The following DMXL1 variants were observed in gnomAD, a reference collection of about 807,000 sequenced individuals.
DMXL1 encodes dmX-like protein 1.
Under a neutral mutation model 319.2 loss-of-function variants are expected in DMXL1, and 99 were observed. The ratio of observed to expected loss-of-function variants is 0.31; its 90% CI spans 0.26 to 0.37. DMXL1 has a LOEUF of 0.37. Ranked by LOEUF, DMXL1 falls within the 10% of genes least tolerant of loss-of-function variation. The probability of loss-of-function intolerance (pLI) is 1.00; values close to 1 mark genes in which losing one functional copy is unlikely to be tolerated. For missense variants in DMXL1, 3,745 were observed against 3,595.6 expected (o/e 1.04, Z -1.06); for synonymous variants, 1,385 against 1,235.2 (o/e 1.12, Z -2.54).
intron 26 of DMXL1, among the ~76,000 whole-genome samples, chr5:119,176,719 A>G (rs555970141): frequency 1.3e-5 from 2 of 152,200 alleles, no homozygotes; most frequent in South Asian, 4.1e-4. Context: ...AATTCCTTAT[A>G]CCATTTTCTG....
intron 1 of DMXL1, among the ~76,000 whole-genome samples, chr5:119,088,020 T>C (rs569680357): frequency 9.2e-5 from 14 of 152,180 alleles, no homozygotes; most frequent in Non-Finnish European, 2.9e-5. Flanking sequence ...TAGACTGGCC[T>C]CGAACTCCTG....
intron 28 of DMXL1, among the ~76,000 whole-genome samples, chr5:119,186,188 C>T (rs1008674783): frequency 6.6e-6 from 1 of 152,200 alleles, no homozygotes; most frequent in Non-Finnish European, 1.5e-5. Flanking sequence ...CTGGCACACT[C>T]ATGAATAGCT....
chr5:119,197,955 A>G lies in DMXL1; in HGVS notation c.7744A>G (p.Lys2582Glu). 6.2e-7 allele frequency: 1 copy of G among 1,613,974 alleles called. No individual in the cohort carries two copies. Among genetic ancestry groups the G allele is most frequent in the South Asian group, 1.1e-5 (1 of 91,078 alleles). ...ACTGGAACCTACAAACACTCCTTTC[A>G]AGTAGGTTTTCTTATGAATGCTATT... Reference protein sequence around the residue: ...ALLEPTNTPFKSKHHLALSVK... With the variant: ...ALLEPTNTPFESKHHLALSVK... Residue 2582 changes from lysine (K) to glutamate (E), a missense_variant and splice_region_variant, in exon 32 of 44, where the codon AAA (lysine) becomes GAA (glutamate). Around this residue, in one of 4 missense-constraint regions of DMXL1, gnomAD observed 1,382 missense variants for 1,269.5 expected, o/e 1.09. Coordinates refer to ENST00000539542, the MANE Select transcript of DMXL1 (RefSeq NM_001290321.3).
At chr5:119,136,671 T>C (rs1445773813) in intron 13 of DMXL1, among the ~76,000 whole-genome samples, 1 of 152,234 alleles carries the variant, frequency 6.6e-6, no homozygotes, top group Non-Finnish European at 1.5e-5. Context: ...GCTCCAGCCA[T>C]GGCTAAAAGG....
intron 15 of DMXL1, 86 bp from the exon 16 acceptor site, chr5:119,146,751 A>G: frequency 7.6e-7 from 1 of 1,323,208 alleles, no homozygotes; most frequent in Non-Finnish European, 1.0e-6. Flanking sequence ...TTCTTTTTTT[A>G]AAGTCCAATT....
At chr5:119,122,122 T>A (rs1440344049) in intron 9 of DMXL1, among the ~76,000 whole-genome samples, 7 of 129,794 alleles carry the variant, frequency 5.4e-5, no homozygotes, top group African/African-American at 2.1e-4. Flanking sequence ...ACGGGGCGGC[T>A]GGCCGGGCGG....
At chr5:119,169,325 A>G (rs984464137) in intron 23 of DMXL1, among the ~76,000 whole-genome samples, 1 of 152,242 alleles carries the variant, frequency 6.6e-6, no homozygotes, top group African/African-American at 2.4e-5. Flanking sequence ...TTGGACCAGA[A>G]TGATTGGAAT....
At chr5:119,204,046 T>G (rs1781313370) in intron 33 of DMXL1, among the ~76,000 whole-genome samples, 1 of 152,026 alleles carries the variant, frequency 6.6e-6, no homozygotes, top group African/African-American at 2.4e-5. Flanking sequence ...ATGGTCTCGA[T>G]CTCCTGACCT....
intron 43 of DMXL1, among the ~76,000 whole-genome samples, chr5:119,245,925 A>T (rs1789676943): frequency 6.6e-6 from 1 of 152,122 alleles, no homozygotes; most frequent in Admixed American, 6.6e-5. Context: ...GAAAATATAC[A>T]ATGTATTCAG....
Position 119,225,404 on chromosome 5 carries a change from G to C in DMXL1, c.8338+635G>C, listed in dbSNP as rs114949329. ...GAATTTATTGGAGGTATTGATTCTG[G>C]TGGGTTGGAATCAATACTCATACTG... is the stretch of plus-strand genomic sequence containing the variant. On this transcript the variant is annotated intron_variant, in intron 38 of 43. Transcript: ENST00000539542. Among the ~76,000 whole-genome samples, 1,346 of 151,980 alleles carry C rather than the reference G, an allele frequency of 8.9e-3. 22 individuals are homozygous for C. Among genetic ancestry groups the C allele is most frequent in the African/African-American group, 0.029 (1,222 of 41,482 alleles).
At chr5:119,241,955 AC>A (rs1788906031) in intron 42 of DMXL1, among the ~76,000 whole-genome samples, 1 of 152,214 alleles carries the variant, frequency 6.6e-6, no homozygotes, top group African/African-American at 2.4e-5. Flanking sequence ...AATTTTATGT[AC>A]TTATGATTTC....
In DMXL1 at chr5:119,203,330, A is replaced by G. The variant is rs376752213; in HGVS notation, c.7757A>G (p.His2586Arg). 2.8e-5 allele frequency: 45 copies of G among 1,591,332 alleles called. No homozygotes were observed. The highest frequency in any genetic ancestry group is 3.8e-5 in the Non-Finnish European group (44 of 1,171,732). Residue 2586 changes from histidine to arginine, a missense_variant, in exon 33 of 44, where the codon CAT becomes CGT. His to Arg is a conservative substitution (Grantham distance 29, BLOSUM62 0). Coordinates refer to ENST00000539542, the MANE Select transcript of DMXL1 (RefSeq NM_001290321.3). ...PTNTPFKSKH[H>R]LALSVKRLWQ... The stretch of plus-strand genomic sequence containing the variant: ...GTCTCTCTCTGTAGATCCAAACACC[A>G]TCTGGCACTGTCTGTGAAGAGGCTT...
At chr5:119,156,796 G>A (rs1278581264) in intron 19 of DMXL1, among the ~76,000 whole-genome samples, 1 of 151,638 alleles carries the variant, frequency 6.6e-6, no homozygotes, top group Non-Finnish European at 1.5e-5. Flanking sequence ...CATTAGCAGT[G>A]TACCAGGCTC....
Position 119,133,597 on chromosome 5 carries a change from C to T in DMXL1, c.1673C>T (p.Ala558Val). The T allele has an allele frequency of 6.2e-7, 1 of 1,614,170 alleles. No individual in the cohort carries two copies. The highest frequency in any genetic ancestry group is 8.5e-7 in the Non-Finnish European group (1 of 1,180,028). The stretch of plus-strand genomic sequence containing the variant: ...GCCTGTACCAAGAATGTTGACTTGG[C>T]TATTCAGCAGGGGAAACAAAAACCT... ...MYACTKNVDL[A>V]IQQGKQKPSG... The change falls in exon 12 of 44, where the codon GCT becomes GTT. Residue 558 changes from alanine (A) to valine (V), a missense_variant. By Grantham distance (64) the Ala-to-Val change is moderately conservative. This residue lies in a region of DMXL1 where 2,096 missense variants were observed against 1,985.4 expected (regional missense o/e 1.06). Transcript: ENST00000539542.
In DMXL1 at chr5:119,115,643, T is replaced by A. The variant is rs1294299682; in HGVS notation, c.565-515T>A. Among the ~76,000 whole-genome samples the A allele has an allele frequency of 2.6e-5, 4 of 152,180 alleles. No homozygotes were observed. The East Asian group carries it at 7.7e-4, about 29-fold the overall frequency. On this transcript the variant is annotated intron_variant, in intron 6 of 43. Coordinates refer to ENST00000539542, the MANE Select transcript of DMXL1 (RefSeq NM_001290321.3). ...GGTACATTCTAGTCCCCTTTGCTTT[T>A]CCTTTATTTCCCAAATTATGACTAT...
chr5:119,189,315 G>A (rs1287710167), intron 28 of DMXL1, among the ~76,000 whole-genome samples: 1 of 152,088 alleles, frequency 6.6e-6, no homozygotes, highest in Non-Finnish European at 1.5e-5. Context: ...AAGAATCTCA[G>A]AAGGGAGTTG....
rs562190133 is a variant in DMXL1 at position 119,222,525 on chromosome 5, G to C, written c.8277+1444G>C. ...GAATATATGCCAAAGAAGTGCATAG[G>C]ACTAATAGGCACTTTTTTGAATTCC... On this transcript the variant is annotated intron_variant, in intron 37 of 43. Transcript: ENST00000539542. 2.7e-3 allele frequency among the ~76,000 whole-genome samples: 410 copies of C among 152,240 alleles called. 2 individuals carry two copies. The highest frequency in any genetic ancestry group is 9.1e-3 in the African/African-American group (378 of 41,560).
chr5:119,135,968 G>A (rs914399068), intron 13 of DMXL1, among the ~76,000 whole-genome samples: 5 of 152,214 alleles, frequency 3.3e-5, no homozygotes, highest in African/African-American at 1.2e-4. Flanking sequence ...GCAGAGGTTG[G>A]AATAGTTTGG....
rs775212936 is a variant in DMXL1 at position 119,167,727 on chromosome 5, C to T, written c.5261C>T (p.Ser1754Phe). The change falls in exon 23 of 44, where the codon TCT becomes TTT. Residue 1754 changes from serine (S) to phenylalanine (F), a missense_variant. Physicochemically the swap from Ser to Phe is radical, Grantham distance 155 (BLOSUM62 -2). Transcript: ENST00000539542. ...ILRKKVLGID[S>F]PVSELCSLNI... The stretch of plus-strand genomic sequence containing the variant: ...CGTAAAAAAGTTTTGGGAATCGATT[C>T]TCCTGTCAGTGAACTGTGTTCATTG... 1 of 1,613,642 alleles carries T rather than the reference C, an allele frequency of 6.2e-7. No homozygotes were observed.
Sources: allele counts gnomAD v4.1 joint callset (sites outside exome capture counted in the v4.1 genomes callset), GRCh38; gene constraint gnomAD v4.1.1; regional missense constraint gnomAD v4.1.1; transcripts MANE v1.5; gene names NCBI Gene and HGNC (gene_info 2026-07-23, HGNC 2026-07-21).